HS6ST2: variants seen among roughly 807,000 people sequenced by gnomAD.
HS6ST2 encodes the protein heparan-sulfate 6-O-sulfotransferase 2.
A neutral mutation model predicts 33.0 loss-of-function variants in HS6ST2; 17 were observed. That is an observed-to-expected ratio of 0.52 (90% confidence interval 0.35 to 0.77). The LOEUF (loss-of-function observed/expected upper bound fraction) is 0.77, where lower values mean the gene tolerates loss of function less well. HS6ST2 is among the 30% of genes least tolerant of loss of function. The probability of loss-of-function intolerance (pLI) is 0.01; values close to 1 mark genes in which losing one functional copy is unlikely to be tolerated. For synonymous variants in HS6ST2, 248 were observed against 237.1 expected (o/e 1.05, Z -0.42); for missense variants, 519 against 551.7 (o/e 0.94, Z 0.59).
rs1049631021 is a variant in HS6ST2 at position 132,732,036 on chromosome X, G to A, written c.948-23542C>T. Among the ~76,000 whole-genome samples the A allele has an allele frequency of 1.2e-4, 13 of 111,987 alleles. No homozygotes were observed. In the East Asian group the frequency reaches 3.4e-3, roughly 29 times the overall value. On this transcript the variant is annotated intron_variant, in intron 2 of 4. Transcript: ENST00000370833. ...CAAACGATGGCAATCCTAAAGGGTA[G>A]TGTTGCACTGAAATAAATTATTTGC...
intron 3 of HS6ST2, among the ~76,000 whole-genome samples, chrX:132,671,022 C>G (rs967733454): frequency 1.8e-5 from 2 of 111,707 alleles, no homozygotes; most frequent in Non-Finnish European, 3.8e-5. Flanking sequence ...CCGTACCACT[C>G]ACAGACTCAC....
chrX:132,946,024 C>T (rs1339783799), intron 2 of HS6ST2, among the ~76,000 whole-genome samples: 1 of 111,899 alleles, frequency 8.9e-6, no homozygotes, highest in East Asian at 2.8e-4. Context: ...TGAAAAAATG[C>T]TCATCGTCAC....
intron 2 of HS6ST2, among the ~76,000 whole-genome samples, chrX:132,800,909 C>T (rs1340889951): frequency 9.0e-6 from 1 of 111,608 alleles, no homozygotes; most frequent in Non-Finnish European, 1.9e-5. Flanking sequence ...TTGGCTGTTC[C>T]TCCTTCACTT....
chrX:132,647,851 A>T (rs769195335), intron 4 of HS6ST2, among the ~76,000 whole-genome samples: 1 of 112,150 alleles, frequency 8.9e-6, no homozygotes, highest in South Asian at 3.8e-4. Context: ...AAATTTCTTT[A>T]TGCAAGGCAA....
chrX:132,758,620 T>C (rs2064779061), intron 2 of HS6ST2, among the ~76,000 whole-genome samples: 1 of 111,786 alleles, frequency 8.9e-6, no homozygotes, highest in African/African-American at 3.3e-5. Context: ...TGCCTCAACA[T>C]TGATTGCCAA....
At chrX:132,647,650 TAGC>T (rs766090121) in intron 4 of HS6ST2, among the ~76,000 whole-genome samples, 1 of 112,372 alleles carries the variant, frequency 8.9e-6, no homozygotes, top group South Asian at 3.7e-4. Flanking sequence ...CTTGCTCCTC[TAGC>T]ATCTGTGCAA....
chrX:132,914,127 A>AT (rs1400430830), intron 2 of HS6ST2, among the ~76,000 whole-genome samples: 2 of 112,228 alleles, frequency 1.8e-5, no homozygotes, highest in Admixed American at 9.4e-5. Flanking sequence ...CAAAAATGTG[A>AT]TTTTTTGTGC....
intron 4 of HS6ST2, among the ~76,000 whole-genome samples, chrX:132,646,535 TAAAAA>T (rs34230779): frequency 1.5e-5 from 1 of 67,253 alleles, no homozygotes; most frequent in South Asian, 8.6e-4. Context: ...CCCTGTCTCT[TAAAAA>T]AAAAAAAAAA....
rs973252470 is a variant in HS6ST2, at chrX:132,651,284, A to G, written c.1067+17829T>C. Among the ~76,000 whole-genome samples the G allele has an allele frequency of 3.6e-5, 4 of 112,094 alleles. No individual in the cohort carries two copies. The East Asian group carries it at 1.1e-3, about 32-fold the overall frequency. ...GCTTGGAAGGGCAGGCAATACTTGG[A>G]GAGTGCAGATGCTGGGAGAAGGAAG... On this transcript the variant is annotated intron_variant, in intron 4 of 4. Coordinates refer to ENST00000370833, the MANE Select transcript of HS6ST2 (RefSeq NM_001394073.1).
At chrX:132,950,965 G>A (rs1251598466) in intron 2 of HS6ST2, among the ~76,000 whole-genome samples, 2 of 111,103 alleles carry the variant, frequency 1.8e-5, no homozygotes. Context: ...TGGGTCCACA[G>A]ATTCCCACAT....
intron 2 of HS6ST2, among the ~76,000 whole-genome samples, chrX:132,864,978 T>C (rs982311289): frequency 1.8e-5 from 2 of 111,273 alleles, no homozygotes; most frequent in East Asian, 2.8e-4. Context: ...GAAAACAATT[T>C]TTTTTATTAT....
At chrX:132,771,755 T>C (rs1270136743) in intron 2 of HS6ST2, among the ~76,000 whole-genome samples, 1 of 111,806 alleles carries the variant, frequency 8.9e-6, no homozygotes, top group Non-Finnish European at 1.9e-5. Context: ...AAAAATACTG[T>C]CACATCAAAT....
At chrX:132,853,657 G>C (rs1188330902) in intron 2 of HS6ST2, among the ~76,000 whole-genome samples, 2 of 110,902 alleles carry the variant, frequency 1.8e-5, no homozygotes, top group Non-Finnish European at 3.8e-5. Context: ...AGTGAATCAG[G>C]GTGGGGAGCT....
intron 2 of HS6ST2, among the ~76,000 whole-genome samples, chrX:132,882,931 T>A (rs2066195872): frequency 1.8e-5 from 2 of 111,571 alleles, no homozygotes; most frequent in Non-Finnish European, 3.8e-5. Flanking sequence ...ATTACGTTCA[T>A]TGATTTGCAT....
intron 2 of HS6ST2, among the ~76,000 whole-genome samples, chrX:132,911,830 G>C (rs963722865): frequency 3.6e-5 from 4 of 110,463 alleles, no homozygotes; most frequent in Non-Finnish European, 7.6e-5. Context: ...GTAGAGACAG[G>C]GTTTCACTGT....
rs185937346 is a variant in HS6ST2 at position 132,916,701 on chromosome X, G to A, written c.947+40107C>T. On this transcript the variant is annotated intron_variant, in intron 2 of 4. Transcript: ENST00000370833. ...TTCCTGCCCCTGAACATCAGACTCCGGATTCTTCAGCTTTTGGAGTCTGGG... is the reference window on the plus strand; with the variant it reads ...TTCCTGCCCCTGAACATCAGACTCCAGATTCTTCAGCTTTTGGAGTCTGGG... Among the ~76,000 whole-genome samples, 6 of 111,710 alleles carry A rather than the reference G, an allele frequency of 5.4e-5. No individual in the cohort carries two copies. In the East Asian group the frequency reaches 8.5e-4, roughly 16 times the overall value.
chrX:132,911,873 G>A (rs936761473), intron 2 of HS6ST2, among the ~76,000 whole-genome samples: 2 of 111,143 alleles, frequency 1.8e-5, no homozygotes, highest in South Asian at 3.8e-4. Flanking sequence ...TCCTGACCTC[G>A]TGATCTGCCT....
At chrX:132,957,393 C>A in intron 1 of HS6ST2, 67 bp from the exon 2 acceptor site, 1 of 1,059,864 alleles carries the variant, frequency 9.4e-7, no homozygotes, top group African/African-American at 1.9e-5. Flanking sequence ...GCCCCCGCAC[C>A]GCCCCCTTCC....
At chrX:132,655,127 C>T in intron 4 of HS6ST2, among the ~76,000 whole-genome samples, 1 of 112,313 alleles carries the variant, frequency 8.9e-6, no homozygotes, top group African/African-American at 3.2e-5. Context: ...TTCACATCCA[C>T]CTCTCTATGC....
Sources: allele counts gnomAD v4.1 joint callset (sites outside exome capture counted in the v4.1 genomes callset), GRCh38; gene constraint gnomAD v4.1.1; transcripts MANE v1.5; gene names NCBI Gene and HGNC (gene_info 2026-07-23, HGNC 2026-07-21).